The following PLEKHH2 variants were observed in gnomAD, a reference collection of about 807,000 sequenced individuals.
The protein encoded by PLEKHH2 is pleckstrin homology, MyTH4 and FERM domain containing H2.
Under a neutral mutation model 187.9 loss-of-function variants are expected in PLEKHH2, and 129 were observed. The observed-to-expected ratio is 0.69, with a 90% CI of 0.59 to 0.79. The LOEUF (loss-of-function observed/expected upper bound fraction) is 0.79, where lower values mean the gene tolerates loss of function less well. Ranked by LOEUF, PLEKHH2 falls within the 30% of genes least tolerant of loss-of-function variation. The pLI, the probability that PLEKHH2 is intolerant of heterozygous loss-of-function variation, is 0.00. For missense variants in PLEKHH2, 2,076 were observed against 1,751.2 expected (o/e 1.19, Z -3.31); for synonymous variants, 686 against 605.6 (o/e 1.13, Z -1.95).
rs886254997 is a variant in PLEKHH2, at chr2:43,699,703, C to G, written c.745C>G (p.Gln249Glu). ...CCAAGTTCTAGAAAACAACAGAGGC[C>G]AGAGAACATTGCATCAAACCCCTTG... ...DNQVLENNRG[Q>E]RTLHQTPCGS... is the part of the protein sequence containing the mutation. Residue 249 changes from glutamine to glutamate, a missense_variant, in exon 8 of 30, where the codon CAG (glutamine) becomes GAG (glutamate). Physicochemically the swap from Gln to Glu is conservative, Grantham distance 29. Coordinates refer to ENST00000282406, the MANE Select transcript of PLEKHH2 (RefSeq NM_172069.4). 1.2e-6 allele frequency: 2 copies of G among 1,614,002 alleles called. No individual in the cohort carries two copies. Among genetic ancestry groups the G allele is most frequent in the African/African-American group, 2.7e-5 (2 of 74,908 alleles).
intron 2 of PLEKHH2, among the ~76,000 whole-genome samples, chr2:43,650,066 T>C (rs1666387851): frequency 6.6e-6 from 1 of 152,050 alleles, no homozygotes; most frequent in Non-Finnish European, 1.5e-5. Context: ...ATTACATAAT[T>C]GGCCTGTTCA....
At chr2:43,757,353 A>C in intron 26 of PLEKHH2, 89 bp downstream of exon 26, 1 of 1,055,016 alleles carries the variant, frequency 9.5e-7, no homozygotes, top group Non-Finnish European at 1.3e-6. Context: ...GGTGAAAAAC[A>C]TTTGGACAGC....
chr2:43,754,210 T>A (rs1303131332), intron 25 of PLEKHH2, among the ~76,000 whole-genome samples: 12 of 123,462 alleles, frequency 9.7e-5, no homozygotes, highest in Non-Finnish European at 1.3e-4. Context: ...ACACACAAAA[T>A]TAATACTGAC....
chr2:43,712,309 C>A lies in PLEKHH2; in HGVS notation c.2386C>A (p.Leu796Ile), dbSNP rs986472910. Reference sequence around the variant, plus strand: ...GTGGATTAAAGTGTTACAGAATGTTCTTCGAGTACAAGCTGCCAACCCACT... The same window carrying A: ...GTGGATTAAAGTGTTACAGAATGTTATTCGAGTACAAGCTGCCAACCCACT... ...EEWIKVLQNV[L>I]RVQAANPLSL... Residue 796 changes from leucine (L) to isoleucine (I), a missense_variant, in exon 15 of 30, where the codon CTT (leucine) becomes ATT (isoleucine). Leu to Ile is a conservative substitution (Grantham distance 5, BLOSUM62 2). Transcript: ENST00000282406. The A allele has an allele frequency of 3.7e-6, 6 of 1,613,818 alleles. No individual in the cohort carries two copies. The highest frequency in any genetic ancestry group is 4.2e-6 in the Non-Finnish European group (5 of 1,179,782).
At chr2:43,696,506 C>A (rs1397015100) in intron 6 of PLEKHH2, among the ~76,000 whole-genome samples, 4 of 147,728 alleles carry the variant, frequency 2.7e-5, no homozygotes, top group Non-Finnish European at 6.0e-5. Flanking sequence ...AAAAAAAAGT[C>A]CAAGAGATGA....
intron 19 of PLEKHH2, among the ~76,000 whole-genome samples, chr2:43,735,136 GC>G (rs1671225913): frequency 6.6e-6 from 1 of 152,156 alleles, no homozygotes; most frequent in Admixed American, 6.5e-5. Flanking sequence ...GTTGTAGTGA[GC>G]CGAGAGTGTG....
At chr2:43,654,692 A>G in intron 2 of PLEKHH2, among the ~76,000 whole-genome samples, 1 of 105,054 alleles carries the variant, frequency 9.5e-6, no homozygotes, top group Admixed American at 9.0e-5. Flanking sequence ...AGCTTGGGCA[A>G]CATAGTAAGA....
intron 7 of PLEKHH2, among the ~76,000 whole-genome samples, chr2:43,697,677 T>C (rs1669156586): frequency 6.6e-6 from 1 of 152,192 alleles, no homozygotes; most frequent in African/African-American, 2.4e-5. Context: ...GAGTTTCAGA[T>C]TAGAACTGTG....
At chr2:43,689,936 T>C (rs1220329279) in intron 3 of PLEKHH2, among the ~76,000 whole-genome samples, 1 of 152,192 alleles carries the variant, frequency 6.6e-6, no homozygotes, top group East Asian at 1.9e-4. Context: ...GGCAACCCAA[T>C]GTCTGTAGGG....
At chr2:43,660,560 C>G (rs1667020038) in intron 2 of PLEKHH2, among the ~76,000 whole-genome samples, 1 of 145,690 alleles carries the variant, frequency 6.9e-6, no homozygotes, top group Non-Finnish European at 1.5e-5. Flanking sequence ...TGCTGGTGCG[C>G]TGCACCCACT....
intron 1 of PLEKHH2, 61 bp from the exon 2 acceptor site, chr2:43,644,610 G>T: frequency 3.9e-6 from 5 of 1,283,704 alleles, no homozygotes; most frequent in South Asian, 2.9e-5. Flanking sequence ...AATATTAATT[G>T]TGTTGTAGCA....
Position 43,754,985 on chromosome 2 carries a change from G to C in PLEKHH2, c.3795+1225G>C, listed in dbSNP as rs569643796. Reference sequence around the variant, plus strand: ...CCTCCCGGGTTCAAGCGATTCTCCTGCCTCAGCCTCCCTAGTAGCTGGAAT... The same window carrying C: ...CCTCCCGGGTTCAAGCGATTCTCCTCCCTCAGCCTCCCTAGTAGCTGGAAT... On this transcript the variant is annotated intron_variant, in intron 25 of 29. Transcript: ENST00000282406. Among the ~76,000 whole-genome samples the C allele has an allele frequency of 2.7e-5, 4 of 147,484 alleles. No individual in the cohort carries two copies. In the South Asian group the frequency reaches 8.5e-4, roughly 31 times the overall value.
rs775926385 is a variant in PLEKHH2, at chr2:43,710,272, C to T, written c.2156C>T (p.Ser719Phe). ...YLLKMSGKVK[S>F]WKRRWFVLKG... ...TTAAAAATGAGTGGTAAAGTCAAGT[C>T]TTGGAAGCGGCGGTGGTTTGTTCTT... Residue 719 changes from serine to phenylalanine, a missense_variant, in exon 13 of 30, where the codon TCT becomes TTT. Physicochemically the swap from Ser to Phe is radical, Grantham distance 155. Transcript: ENST00000282406. 7 of 1,614,128 alleles carry T rather than the reference C, an allele frequency of 4.3e-6. No individual in the cohort carries two copies. Among genetic ancestry groups the T allele is most frequent in the Admixed American group, 1.7e-5 (1 of 60,008 alleles).
intron 3 of PLEKHH2, chr2:43,680,818 C>T: frequency 4.6e-6 from 2 of 431,548 alleles, no homozygotes; most frequent in Non-Finnish European, 8.5e-6. Flanking sequence ...TTATATCTTT[C>T]TTGATTGTAT....
chr2:43,764,595 C>T (rs1406375250), intron 29 of PLEKHH2, among the ~76,000 whole-genome samples: 1 of 152,170 alleles, frequency 6.6e-6, no homozygotes, highest in Non-Finnish European at 1.5e-5. Flanking sequence ...AACATACTCC[C>T]TACTTCTTTT....
Position 43,700,197 on chromosome 2 carries a change from A to G in PLEKHH2, c.1239A>G (p.Pro413=). Residue 413 remains proline (P), a synonymous_variant, in exon 8 of 30, where the codon CCA becomes CCG. Transcript: ENST00000282406. ...EANTPSPILT[P]ALMPKHPNSL... ...ACACCCCAAGCCCTATTTTGACCCC[A>G]GCTTTAATGCCAAAGCATCCTAACT... 6 of 1,614,146 alleles carry G rather than the reference A, an allele frequency of 3.7e-6. No homozygotes were observed. Among genetic ancestry groups the G allele is most frequent in the Non-Finnish European group, 4.2e-6 (5 of 1,180,014 alleles).
intron 2 of PLEKHH2, chr2:43,676,045 T>G: frequency 1.2e-6 from 2 of 1,614,028 alleles, no homozygotes; most frequent in Non-Finnish European, 1.7e-6. Flanking sequence ...GTCACAGTGT[T>G]TGGTCCAGGT....
intron 19 of PLEKHH2, among the ~76,000 whole-genome samples, chr2:43,731,913 G>C (rs549406369): frequency 6.6e-6 from 1 of 152,234 alleles, no homozygotes; most frequent in Non-Finnish European, 1.5e-5. Flanking sequence ...CACAGCAATG[G>C]GAGAGGGGTC....
At chr2:43,744,042 C>G (rs1671679269) in intron 23 of PLEKHH2, 53 bp downstream of exon 23, 4 of 1,575,480 alleles carry the variant, frequency 2.5e-6, no homozygotes, top group Non-Finnish European at 3.5e-6. Context: ...AAAGAAGCTA[C>G]TCTTTACAAG....
Sources: gnomAD v4.1 joint callset for allele counts (sites outside exome capture counted in the v4.1 genomes callset) on GRCh38, gnomAD v4.1.1 for gene constraint, MANE v1.5 for transcripts, NCBI Gene and HGNC (gene_info 2026-07-23, HGNC 2026-07-21) for gene names.